The following AHI1 variants were observed in gnomAD, a reference collection of about 807,000 sequenced individuals.
The protein encoded by AHI1 is Abelson helper integration site 1.
AHI1 carries 123 observed loss-of-function variants against 149.3 expected under a neutral mutation model. The observed-to-expected ratio is 0.82, with a 90% CI of 0.71 to 0.96. The LOEUF (loss-of-function observed/expected upper bound fraction) is 0.96. Among genes scored for constraint, AHI1 ranks in the 40% least tolerant of loss-of-function variants. The probability of loss-of-function intolerance (pLI) is 0.00; values close to 1 mark genes in which losing one functional copy is unlikely to be tolerated. For synonymous variants in AHI1, 475 were observed against 459.8 expected (o/e 1.03, Z -0.42); for missense variants, 1,439 against 1,422.7 (o/e 1.01, Z -0.18).
At chr6:135,433,818 AATT>A (rs1329518560) in intron 15 of AHI1, among the ~76,000 whole-genome samples, 1 of 152,014 alleles carries the variant, frequency 6.6e-6, no homozygotes, top group African/African-American at 2.4e-5. Flanking sequence ...AGATTAAAAT[AATT>A]ATGACATTTT....
rs180735707 is a variant in AHI1 at position 135,414,081 on chromosome 6, T to C, written c.2765-2537A>G. On this transcript the variant is annotated intron_variant, in intron 20 of 28. Transcript: ENST00000265602. ...AAAGAATACCTGACTTCAAATCCTA[T>C]AAAGCTACAGTAATCCACACAGTTT... Among the ~76,000 whole-genome samples the C allele has an allele frequency of 9.9e-4, 151 of 152,246 alleles. 3 individuals are homozygous for C. The Middle Eastern group carries it at 0.024, about 24-fold the overall frequency.
intron 26 of AHI1, among the ~76,000 whole-genome samples, chr6:135,305,480 T>C (rs1386864520): frequency 2.0e-5 from 3 of 152,220 alleles, no homozygotes; most frequent in African/African-American, 7.2e-5. Flanking sequence ...GCTATGAACT[T>C]TACATGTCTC....
intron 28 of AHI1, among the ~76,000 whole-genome samples, chr6:135,285,972 G>T (rs551178993): frequency 6.6e-6 from 1 of 152,198 alleles, no homozygotes; most frequent in African/African-American, 2.4e-5. Context: ...TTCCAGAAAT[G>T]AAGAGCAGGC....
rs574938408 is a variant in AHI1, at chr6:135,466,372, G to T, written c.191C>A (p.Pro64His). The T allele has an allele frequency of 3.1e-6, 5 of 1,611,308 alleles. No individual in the cohort carries two copies. In the African/African-American group the frequency reaches 5.3e-5, roughly 17 times the overall value. ...HYMKETTSDD[P>H]DTIRSNLPHI... ...GGGAAGATTGCTTCTAATAGTGTCGGGCTAGGAAAAGAAGACATGATAACA... is the reference window on the plus strand; with the variant it reads ...GGGAAGATTGCTTCTAATAGTGTCGTGCTAGGAAAAGAAGACATGATAACA... The change falls in exon 7 of 29, where the codon CCC (proline) becomes CAC (histidine). Residue 64 changes from proline (P) to histidine (H), a missense_variant and splice_region_variant. Coordinates refer to ENST00000265602, the MANE Select transcript of AHI1 (RefSeq NM_001134831.2).
intron 5 of AHI1, among the ~76,000 whole-genome samples, chr6:135,479,574 G>A (rs1174846593): frequency 4.6e-5 from 7 of 152,218 alleles, no homozygotes; most frequent in Admixed American, 4.6e-4. Flanking sequence ...TATCTTGGAA[G>A]TAACTAACTT....
At chr6:135,349,151 A>G (rs2128422417) in intron 24 of AHI1, among the ~76,000 whole-genome samples, 1 of 152,168 alleles carries the variant, frequency 6.6e-6, no homozygotes, top group African/African-American at 2.4e-5. Flanking sequence ...CACCTAGCTA[A>G]TTTAAAAAAA....
At chr6:135,475,795 CT>C (rs1358627256) in intron 5 of AHI1, among the ~76,000 whole-genome samples, 1 of 152,158 alleles carries the variant, frequency 6.6e-6, no homozygotes, top group Middle Eastern at 3.2e-3. Context: ...TGATTTTAAT[CT>C]GTATCCTTTT....
chr6:135,444,261 T>C (rs1289043305), intron 13 of AHI1, among the ~76,000 whole-genome samples: 2 of 152,154 alleles, frequency 1.3e-5, no homozygotes, highest in Non-Finnish European at 2.9e-5. Context: ...CTGCCTGCAT[T>C]AATTCATCCT....
intron 24 of AHI1, among the ~76,000 whole-genome samples, chr6:135,350,561 A>C (rs1791928659): frequency 6.6e-6 from 1 of 152,220 alleles, no homozygotes; most frequent in Non-Finnish European, 1.5e-5. Flanking sequence ...CAGTTAAGGA[A>C]GACCAGATAA....
At chr6:135,329,022 G>A (rs911959155) in intron 24 of AHI1, among the ~76,000 whole-genome samples, 4 of 152,180 alleles carry the variant, frequency 2.6e-5, no homozygotes, top group African/African-American at 9.7e-5. Flanking sequence ...AGAAACGTGA[G>A]GAAGCTACAG....
At position 135,427,244 on chromosome 6, in the gene AHI1, T is replaced by C. The variant is rs863225135; in HGVS notation, c.2687A>G (p.His896Arg). 11 of 1,610,562 alleles carry C rather than the reference T, an allele frequency of 6.8e-6. No homozygotes were observed. Among genetic ancestry groups the C allele is most frequent in the Non-Finnish European group, 8.5e-6 (10 of 1,177,786 alleles). Residue 896 changes from histidine to arginine, a missense_variant, in exon 20 of 29, where the codon CAT becomes CGT. By Grantham distance (29) the His-to-Arg change is conservative (BLOSUM62 0). Coordinates refer to ENST00000265602, the MANE Select transcript of AHI1 (RefSeq NM_001134831.2). Reference sequence around the variant, plus strand: ...GAATGCAACCATATTTTCAAATGGATGATAAGAAATGTCTCGAATGGGTGA... The same window carrying C: ...GAATGCAACCATATTTTCAAATGGACGATAAGAAATGTCTCGAATGGGTGA... Reference protein sequence around the residue: ...FKSPIRDISYHPFENMVAFCA... With the variant: ...FKSPIRDISYRPFENMVAFCA...
At chr6:135,386,100 A>G (rs1777538860) in intron 23 of AHI1, among the ~76,000 whole-genome samples, 1 of 152,208 alleles carries the variant, frequency 6.6e-6, no homozygotes, top group Non-Finnish European at 1.5e-5. Context: ...CGTCTGGCCT[A>G]CTATAAGCAG....
At position 135,435,314 on chromosome 6, in the gene AHI1, T is replaced by G. The variant is rs892337134; in HGVS notation, c.2037-2058A>C. 3.3e-5 allele frequency: 5 copies of G among 152,204 alleles called. No homozygotes were observed. In the East Asian group the frequency reaches 7.7e-4, roughly 23 times the overall value. The allele number at this position is 152,204 out of a possible 1,614,324, so 9.4% of individuals were successfully genotyped here. A position where few individuals can be genotyped will look rare whatever the true frequency, so the allele number is the denominator to read the frequency against. On this transcript the variant is annotated intron_variant, in intron 15 of 28. Transcript: ENST00000265602. ...AAAAAATGTGTGCTTTAGCATAATA[T>G]ACTACATATTGTGTGCAGAAACCCA...
intron 19 of AHI1, among the ~76,000 whole-genome samples, chr6:135,428,315 G>T (rs1784185145): frequency 6.6e-6 from 1 of 151,536 alleles, no homozygotes; most frequent in Admixed American, 6.6e-5. Context: ...GTAACATTTT[G>T]TACTTTGTGT....
chr6:135,427,186 C>A lies in AHI1; in HGVS notation c.2745G>T (p.Leu915=). 1 of 1,609,970 alleles carries A rather than the reference C, an allele frequency of 6.2e-7. No homozygotes were observed. Among genetic ancestry groups the A allele is most frequent in the Non-Finnish European group, 8.5e-7 (1 of 1,177,380 alleles). ...CAFGQNEPIL[L]YIYDFHVAQQ... Reference sequence around the variant, plus strand: ...ACTTACCATGGAAATCGTAAATATACAGAAGAATTGGCTCATTTTGCCCAA... The same window carrying A: ...ACTTACCATGGAAATCGTAAATATAAAGAAGAATTGGCTCATTTTGCCCAA... Residue 915 remains leucine (L), a synonymous_variant, in exon 20 of 29, where the codon CTG becomes CTT. Coordinates refer to ENST00000265602, the MANE Select transcript of AHI1 (RefSeq NM_001134831.2).
At position 135,457,573 on chromosome 6, in the gene AHI1, C is replaced by A. The variant is rs1160678624; in HGVS notation, c.1072G>T (p.Asp358Tyr). 1 of 1,613,968 alleles carries A rather than the reference C, an allele frequency of 6.2e-7. No homozygotes were observed. Among genetic ancestry groups the A allele is most frequent in the African/African-American group, 1.3e-5 (1 of 75,052 alleles). Residue 358 changes from aspartate to tyrosine, a missense_variant, in exon 9 of 29, where the codon GAT becomes TAT. Physicochemically the swap from Asp to Tyr is radical, Grantham distance 160. Coordinates refer to ENST00000265602, the MANE Select transcript of AHI1 (RefSeq NM_001134831.2). ...YIHRTDRLKS[D>Y]FMISHPMVKI... Reference sequence around the variant, plus strand: ...ACCATTGGGTGAGAAATCATAAAATCTGACTTAAGTCTATCAGTTCGGTGA... The same window carrying A: ...ACCATTGGGTGAGAAATCATAAAATATGACTTAAGTCTATCAGTTCGGTGA...
chr6:135,373,194 A>G (rs1775325632), intron 23 of AHI1, among the ~76,000 whole-genome samples: 1 of 152,226 alleles, frequency 6.6e-6, no homozygotes, highest in South Asian at 2.1e-4. Flanking sequence ...CAGATCGCAT[A>G]TACAATGAGG....
chr6:135,342,913 T>C (rs907002742), intron 24 of AHI1, among the ~76,000 whole-genome samples: 1 of 151,174 alleles, frequency 6.6e-6, no homozygotes, highest in Non-Finnish European at 1.5e-5. Context: ...ACTTCAACAT[T>C]GTACTGGAGG....
intron 24 of AHI1, among the ~76,000 whole-genome samples, chr6:135,354,971 C>T (rs1201761053): frequency 6.6e-6 from 1 of 152,156 alleles, no homozygotes; most frequent in Non-Finnish European, 1.5e-5. Flanking sequence ...GTCTGATGTC[C>T]AATGTCTCTT....
Sources: gnomAD v4.1 joint callset for allele counts (sites outside exome capture counted in the v4.1 genomes callset) on GRCh38, gnomAD v4.1.1 for gene constraint, MANE v1.5 for transcripts, NCBI Gene and HGNC (gene_info 2026-07-23, HGNC 2026-07-21) for gene names.